STARD8: variants seen among roughly 807,000 people sequenced by gnomAD.
STARD8 encodes the protein StAR related lipid transfer domain containing 8.
STARD8 carries 25 observed loss-of-function variants against 69.4 expected under a neutral mutation model. The observed-to-expected ratio is 0.36, with a 90% CI of 0.26 to 0.50. The LOEUF (loss-of-function observed/expected upper bound fraction) is 0.50. STARD8 is among the 20% of genes least tolerant of loss of function. The pLI is 0.96. For synonymous variants in STARD8, 389 were observed against 374.6 expected, an observed-to-expected ratio of 1.04 and a Z score of -0.45; for missense variants, 921 against 932.5, an observed-to-expected ratio of 0.99 and a Z score of 0.16.
At chrX:68,677,286 T>C (rs2079771331) in intron 2 of STARD8, among the ~76,000 whole-genome samples, 1 of 112,024 alleles carries the variant, frequency 8.9e-6, no homozygotes, top group Non-Finnish European at 1.9e-5. Flanking sequence ...TTGTCTGCTC[T>C]GTAAATGGGA....
rs1436689050 is a variant in STARD8 at position 68,720,438 on chromosome X, G to A, written c.2049+15G>A. On this transcript the variant is annotated intron_variant, in intron 8 of 14. Transcript: ENST00000374599. ...GCCTGGACCAAGTGAGCCCTCGTGG[G>A]GCAGCCTGCCGGGAGATGGTGCAGG... 1.5e-5 allele frequency: 17 copies of A among 1,157,260 alleles called. No homozygotes were observed. The highest frequency in any genetic ancestry group is 1.4e-5 in the Non-Finnish European group (12 of 865,020).
chrX:68,721,840 C>T (rs1480959371), intron 10 of STARD8, 94 bp downstream of exon 10: 1 of 934,102 alleles, frequency 1.1e-6, no homozygotes, highest in Non-Finnish European at 1.5e-6. Context: ...ACTGCTGTGT[C>T]TCAGCCTCAC....
intron 2 of STARD8, among the ~76,000 whole-genome samples, chrX:68,681,862 G>A (rs1459991584): frequency 1.8e-5 from 2 of 111,695 alleles, no homozygotes; most frequent in African/African-American, 3.3e-5. Context: ...TTCATGCTTG[G>A]TCATTGAGTC....
intron 2 of STARD8, among the ~76,000 whole-genome samples, chrX:68,703,188 A>G (rs2079979130): frequency 8.9e-6 from 1 of 111,994 alleles, no homozygotes; most frequent in African/African-American, 3.3e-5. Context: ...TGAGCCCGGG[A>G]GGTCGAGGCT....
At chrX:68,719,493 G>A in intron 7 of STARD8, 95 bp downstream of exon 7, 1 of 969,622 alleles carries the variant, frequency 1.0e-6, no homozygotes, top group South Asian at 3.1e-5. Flanking sequence ...CAGGCAGGCA[G>A]GGCCCACAGG....
intron 2 of STARD8, among the ~76,000 whole-genome samples, chrX:68,692,562 C>G (rs1236124683): frequency 8.9e-6 from 1 of 112,270 alleles, no homozygotes; most frequent in East Asian, 2.8e-4. Flanking sequence ...GGATGCAGTT[C>G]CTGCCTTCTA....
chrX:68,717,550 C>A lies in STARD8; in HGVS notation c.636C>A (p.His212Gln). 4 of 1,211,559 alleles carry A rather than the reference C, an allele frequency of 3.3e-6. No homozygotes were observed. The highest frequency in any genetic ancestry group is 4.5e-6 in the Non-Finnish European group (4 of 895,591). Residue 212 changes from histidine (H) to glutamine (Q), a missense_variant, in exon 6 of 15, where the codon CAC becomes CAA. Physicochemically the swap from His to Gln is conservative, Grantham distance 24. Transcript: ENST00000374599. ...ATCGTAACCGTAGCTTCCTCAAGCA[C>A]CTTGAATCTCTGAGGCGGAAGGAAA... ...KRHRNRSFLK[H>Q]LESLRRKEKS...
chrX:68,654,297 G>A (rs770614189), intron 1 of STARD8, among the ~76,000 whole-genome samples: 25 of 110,950 alleles, frequency 2.3e-4, no homozygotes, highest in African/African-American at 7.9e-4. Context: ...ACTTGTCTCT[G>A]GTAAAATCTA....
At chrX:68,702,111 C>T (rs1317840767) in intron 2 of STARD8, among the ~76,000 whole-genome samples, 1 of 112,419 alleles carries the variant, frequency 8.9e-6, no homozygotes, top group African/African-American at 3.2e-5. Flanking sequence ...CCATGGTAGC[C>T]TGTCTCCCTG....
At chrX:68,648,764 A>G (rs1051092461) in intron 1 of STARD8, among the ~76,000 whole-genome samples, 4 of 112,223 alleles carry the variant, frequency 3.6e-5, no homozygotes, top group African/African-American at 9.7e-5. Flanking sequence ...CATGGGGGAT[A>G]CATGAGCACA....
chrX:68,668,276 C>T (rs192677076), intron 2 of STARD8, among the ~76,000 whole-genome samples: 2,582 of 44,713 alleles, frequency 0.058, 59 homozygotes, highest in Middle Eastern at 0.14. Flanking sequence ...CTTTCTTTCT[C>T]TTTCTTTCTT....
chrX:68,650,481 GGGAGGA>G (rs373796316), intron 1 of STARD8, among the ~76,000 whole-genome samples: 13,935 of 82,456 alleles, frequency 0.17, 4,106 homozygotes, highest in African/African-American at 0.71. Flanking sequence ...GGAGGAGGAG[GGGAGGA>G]GGAGGAGGAG....
At chrX:68,691,240 C>T (rs753467253) in intron 2 of STARD8, among the ~76,000 whole-genome samples, 3 of 112,087 alleles carry the variant, frequency 2.7e-5, no homozygotes, top group Non-Finnish European at 5.6e-5. Context: ...TCCAAGGTAG[C>T]AACAGCAATG....
At chrX:68,665,418 A>T in intron 1 of STARD8, 81 bp from the exon 2 acceptor site, 1 of 1,065,653 alleles carries the variant, frequency 9.4e-7, no homozygotes, top group Non-Finnish European at 1.3e-6. Context: ...GGGTAGATCG[A>T]ACTTGCTAAC....
rs759164995 is a variant in STARD8 at position 68,720,394 on chromosome X, C to T, written c.2020C>T (p.Arg674Cys). 7.6e-6 allele frequency: 9 copies of T among 1,189,111 alleles called. No individual in the cohort carries two copies. The highest frequency in any genetic ancestry group is 7.0e-5 in the African/African-American group (4 of 57,253). ...GCCACAGAGCATTCAGCAAGCCATGCGCTACTTGCGCAGCCAGTGCCTGGA... is the reference window on the plus strand; with the variant it reads ...GCCACAGAGCATTCAGCAAGCCATGTGCTACTTGCGCAGCCAGTGCCTGGA... ...PLPQSIQQAM[R>C]YLRSQCLDQV... The change falls in exon 8 of 15, where the codon CGC becomes TGC. Residue 674 changes from arginine (R) to cysteine (C), a missense_variant. Arg to Cys is a radical substitution (Grantham distance 180). Coordinates refer to ENST00000374599, the MANE Select transcript of STARD8 (RefSeq NM_001142503.3).
intron 2 of STARD8, among the ~76,000 whole-genome samples, chrX:68,710,953 C>T (rs759533354): frequency 1.8e-5 from 2 of 112,407 alleles, no homozygotes; most frequent in East Asian, 2.8e-4. Flanking sequence ...GCTGTGGCAG[C>T]CAGCTCAGCT....
intron 6 of STARD8, 56 bp from the exon 7 acceptor site, chrX:68,719,169 G>T (rs2080124466): frequency 2.7e-6 from 3 of 1,106,498 alleles, no homozygotes; most frequent in East Asian, 3.2e-5. Context: ...CTTTTCTAAG[G>T]TTTAGCCAAA....
chrX:68,675,223 G>T (rs1433145964), intron 2 of STARD8, among the ~76,000 whole-genome samples: 1 of 110,945 alleles, frequency 9.0e-6, no homozygotes, highest in Non-Finnish European at 1.9e-5. Context: ...CTCCCAAAGC[G>T]CTGGGATTAC....
intron 2 of STARD8, among the ~76,000 whole-genome samples, chrX:68,705,288 C>T (rs755270058): frequency 8.9e-6 from 1 of 111,884 alleles, no homozygotes; most frequent in South Asian, 3.7e-4. Context: ...AGCTCAAGCC[C>T]AGGAGCCCAC....
Sources: allele counts gnomAD v4.1 joint callset (sites outside exome capture counted in the v4.1 genomes callset), GRCh38; gene constraint gnomAD v4.1.1; transcripts MANE v1.5; gene names NCBI Gene and HGNC (gene_info 2026-07-23, HGNC 2026-07-21).